HMG20A: variants seen among roughly 807,000 people sequenced by gnomAD.
HMG20A encodes the protein high mobility group protein 20A.
In HMG20A, 17 loss-of-function variants were observed where a neutral mutation model predicts 43.9. The observed-to-expected ratio is 0.39, with a 90% confidence interval of 0.27 to 0.58. The LOEUF (loss-of-function observed/expected upper bound fraction) is 0.58. Among genes scored for constraint, HMG20A ranks in the 20% least tolerant of loss-of-function variants. HMG20A has a pLI of 0.59. For synonymous variants in HMG20A, 132 were observed against 147.5 expected, an observed-to-expected ratio of 0.89 and a Z score of 0.76; for missense variants, 341 against 438.2, an observed-to-expected ratio of 0.78 and a Z score of 1.98.
the HMG20A span, among the ~76,000 whole-genome samples, chr15:77,519,769 G>A: frequency 6.6e-6 from 1 of 152,200 alleles, no homozygotes; most frequent in Admixed American, 6.5e-5. Context: ...GGACTGACAG[G>A]TCAGTGTCAC....
chr15:77,441,928 A>G (rs2073617189), intron 1 of HMG20A, among the ~76,000 whole-genome samples: 1 of 152,158 alleles, frequency 6.6e-6, no homozygotes, highest in South Asian at 2.1e-4. Flanking sequence ...TGAGAGTACC[A>G]ATAACTTTTC....
At chr15:77,462,794 A>T (rs1595925042) in intron 2 of HMG20A, among the ~76,000 whole-genome samples, 2 of 107,286 alleles carry the variant, frequency 1.9e-5, no homozygotes. Context: ...TTTTTTTGAG[A>T]CTGAGTCTTA....
intron 1 of HMG20A, among the ~76,000 whole-genome samples, chr15:77,433,851 A>G (rs149827138): frequency 6.6e-6 from 1 of 152,358 alleles, no homozygotes; most frequent in East Asian, 1.9e-4. Flanking sequence ...TCCTAATAAA[A>G]TCTCAGGTGA....
intron 1 of HMG20A, among the ~76,000 whole-genome samples, chr15:77,435,431 G>A (rs762076333): frequency 2.0e-5 from 3 of 152,056 alleles, no homozygotes; most frequent in African/African-American, 4.8e-5. Flanking sequence ...CTACAGATGC[G>A]TGCCACCATG....
intron 1 of HMG20A, among the ~76,000 whole-genome samples, chr15:77,449,344 T>G (rs1009865087): frequency 2.0e-5 from 3 of 152,144 alleles, no homozygotes; most frequent in Admixed American, 2.0e-4. Flanking sequence ...GGTGAAAGAG[T>G]TTTTAACTGA....
At position 77,484,058 on chromosome 15, in the gene HMG20A, C is replaced by T. The variant is rs139769583; in HGVS notation, c.*1095C>T. 6.6e-6 allele frequency: 1 copy of T among 152,318 alleles called. No individual in the cohort carries two copies. Among genetic ancestry groups the T allele is most frequent in the African/African-American group, 2.4e-5 (1 of 41,576 alleles). The allele number at this position is 152,318 out of a possible 1,614,324, so 9.4% of individuals were successfully genotyped here. A position where few individuals can be genotyped will look rare whatever the true frequency, so the allele number is the denominator to read the frequency against. Reference sequence around the variant, plus strand: ...AGACAGGCTTCCCTTCCTTCCCCCTCCTTAGTGATTTTTTCTTTAACAGCA... The same window carrying T: ...AGACAGGCTTCCCTTCCTTCCCCCTTCTTAGTGATTTTTTCTTTAACAGCA... On this transcript the variant is annotated 3_prime_UTR_variant, in exon 10 of 10. Coordinates refer to ENST00000336216, the MANE Select transcript of HMG20A (RefSeq NM_001304504.2).
At chr15:77,479,346 A>G (rs1339441173) in intron 9 of HMG20A, 25 bp downstream of exon 9, 3 of 1,606,780 alleles carry the variant, frequency 1.9e-6, no homozygotes, top group African/African-American at 2.7e-5. Context: ...ATAAATATTT[A>G]TATGCCAGCA....
chr15:77,469,010 A>G (rs1266766600), intron 4 of HMG20A, among the ~76,000 whole-genome samples: 1 of 151,608 alleles, frequency 6.6e-6, no homozygotes. Context: ...TTTTACCTTT[A>G]ACAGAACATT....
intron 1 of HMG20A, among the ~76,000 whole-genome samples, chr15:77,432,653 C>T (rs1466958373): frequency 1.4e-5 from 2 of 140,336 alleles, no homozygotes; most frequent in Admixed American, 7.7e-5. Flanking sequence ...ACCCTGGAGG[C>T]GGAGGTTGCA....
rs114361265 is a variant in HMG20A at position 77,460,632 on chromosome 15, C to G, written c.89+2136C>G. Among the ~76,000 whole-genome samples, 1,104 of 152,204 alleles carry G rather than the reference C, an allele frequency of 7.3e-3. 16 individuals are homozygous for G. Among genetic ancestry groups the G allele is most frequent in the African/African-American group, 0.025 (1,048 of 41,544 alleles). ...TGAGATCACCAAAGAAATGAGCACT[C>G]TGTAGATGGAAGAAAGAAGAGCTCT... is the stretch of plus-strand genomic sequence containing the variant. On this transcript the variant is annotated intron_variant, in intron 2 of 9. Transcript: ENST00000336216.
chr15:77,476,641 C>G (rs373187471), intron 6 of HMG20A, among the ~76,000 whole-genome samples: 1 of 152,018 alleles, frequency 6.6e-6, no homozygotes, highest in African/African-American at 2.4e-5. Context: ...TAAGATTTCA[C>G]TAGCAGTTTC....
chr15:77,478,697 A>C (rs907399), intron 8 of HMG20A, among the ~76,000 whole-genome samples, 187 bp downstream of exon 8: 12,212 of 152,274 alleles, frequency 0.08, 593 homozygotes, highest in Non-Finnish European at 0.1. Context: ...CCAATGTTTC[A>C]GGCTCTCTGG....
the HMG20A span, among the ~76,000 whole-genome samples, chr15:77,491,846 A>G: frequency 6.6e-6 from 1 of 152,242 alleles, no homozygotes; most frequent in Admixed American, 6.5e-5. Context: ...CACAGGTTAT[A>G]TCCAGGGCAC....
intron 1 of HMG20A, among the ~76,000 whole-genome samples, chr15:77,437,757 A>G (rs35902242): frequency 0.24 from 36,717 of 151,828 alleles, 5,145 homozygotes; most frequent in Middle Eastern, 0.36. Context: ...TTTTTCTAGT[A>G]GAGATGGGGT....
chr15:77,448,321 C>G (rs777547123), intron 1 of HMG20A, among the ~76,000 whole-genome samples: 3 of 152,156 alleles, frequency 2.0e-5, no homozygotes, highest in Non-Finnish European at 2.9e-5. Context: ...ATCTCCTTTT[C>G]CCACTAGTTC....
At chr15:77,471,265 T>C (rs2072805895) in intron 5 of HMG20A, among the ~76,000 whole-genome samples, 1 of 152,196 alleles carries the variant, frequency 6.6e-6, no homozygotes, top group Non-Finnish European at 1.5e-5. Context: ...TTTTGACTTG[T>C]CCTCCGAGAC....
intron 3 of HMG20A, among the ~76,000 whole-genome samples, chr15:77,466,052 C>G (rs1011638042): frequency 2.6e-5 from 4 of 151,978 alleles, no homozygotes; most frequent in Admixed American, 1.3e-4. Flanking sequence ...TTTGATTTAC[C>G]TGGTAACTCA....
intron 9 of HMG20A, among the ~76,000 whole-genome samples, chr15:77,480,506 A>G (rs2072896863): frequency 6.6e-6 from 1 of 151,542 alleles, no homozygotes; most frequent in Non-Finnish European, 1.5e-5. Context: ...CTAGCTACTC[A>G]GGAGGCTGAG....
the HMG20A span, among the ~76,000 whole-genome samples, chr15:77,496,794 C>T: frequency 2.0e-5 from 3 of 152,168 alleles, no homozygotes; most frequent in African/African-American, 4.8e-5. Context: ...AAGGCAAATT[C>T]CCCACATTCC....
Sources: allele counts gnomAD v4.1 joint callset (sites outside exome capture counted in the v4.1 genomes callset), GRCh38; gene constraint gnomAD v4.1.1; transcripts MANE v1.5; gene names NCBI Gene and HGNC (gene_info 2026-07-23, HGNC 2026-07-21).